RAVER2: variants seen among roughly 807,000 people sequenced by gnomAD.
The protein encoded by RAVER2 is ribonucleoprotein, PTB binding 2.
RAVER2 carries 46 observed loss-of-function variants against 78.1 expected under a neutral mutation model. That is an observed-to-expected ratio of 0.59 (90% confidence interval 0.46 to 0.75). RAVER2 has a LOEUF of 0.75. RAVER2 is among the 30% of genes least tolerant of loss of function. The probability of loss-of-function intolerance (pLI) is 0.00; values close to 1 mark genes in which losing one functional copy is unlikely to be tolerated. For synonymous variants in RAVER2, 311 were observed against 313.3 expected (o/e 0.99, Z 0.08); for missense variants, 793 against 837.5 (o/e 0.95, Z 0.66).
intron 2 of RAVER2, among the ~76,000 whole-genome samples, chr1:64,771,941 T>C (rs1273278430): frequency 6.6e-6 from 1 of 152,090 alleles, no homozygotes; most frequent in Non-Finnish European, 1.5e-5. Context: ...ATGAGGAAAT[T>C]ATTATAGTAA....
At chr1:64,759,387 A>G (rs1465904731) in intron 1 of RAVER2, among the ~76,000 whole-genome samples, 1 of 149,766 alleles carries the variant, frequency 6.7e-6, no homozygotes, top group Non-Finnish European at 1.5e-5. Context: ...CGCCCGGCTA[A>G]TTTTTGTATT....
intron 3 of RAVER2, among the ~76,000 whole-genome samples, chr1:64,779,529 CAACT>C: frequency 6.9e-6 from 1 of 145,662 alleles, no homozygotes; most frequent in Non-Finnish European, 1.5e-5. Context: ...TTACTATGCC[CAACT>C]ACTTTTTAAT....
At chr1:64,828,624 A>G (rs1425081941) in intron 11 of RAVER2, among the ~76,000 whole-genome samples, 1 of 151,854 alleles carries the variant, frequency 6.6e-6, no homozygotes, top group Non-Finnish European at 1.5e-5. Flanking sequence ...TTCTCCCAGT[A>G]TCACATGGGC....
intron 1 of RAVER2, among the ~76,000 whole-genome samples, chr1:64,762,456 A>G (rs1652048506): frequency 6.6e-6 from 1 of 151,896 alleles, no homozygotes; most frequent in Non-Finnish European, 1.5e-5. Flanking sequence ...GGAATAGCCA[A>G]GATACTTTTG....
intron 1 of RAVER2, among the ~76,000 whole-genome samples, chr1:64,753,443 G>C (rs1482352543): frequency 6.6e-6 from 1 of 151,404 alleles, no homozygotes; most frequent in African/African-American, 2.4e-5. Flanking sequence ...TGTTATAAAG[G>C]TCTTATTTAT....
chr1:64,778,165 A>T, intron 3 of RAVER2, 73 bp downstream of exon 3: 1 of 1,070,024 alleles, frequency 9.3e-7, no homozygotes, highest in Middle Eastern at 2.8e-4. Flanking sequence ...TACACTCACA[A>T]ATTTATCATA....
At chr1:64,814,675 T>G in intron 10 of RAVER2, 29 bp from the exon 11 acceptor site, 1 of 1,305,092 alleles carries the variant, frequency 7.7e-7, no homozygotes, top group Admixed American at 2.9e-5. Context: ...ATAACCTAAA[T>G]AAAATAAACT....
At chr1:64,813,647 A>G (rs1653680677) in intron 10 of RAVER2, among the ~76,000 whole-genome samples, 1 of 152,120 alleles carries the variant, frequency 6.6e-6, no homozygotes, top group Non-Finnish European at 1.5e-5. Flanking sequence ...CATCCTCTGT[A>G]TTTTATGAAA....
chr1:64,768,862 T>TG, intron 2 of RAVER2, 140 bp downstream of exon 2: 1 of 574,150 alleles, frequency 1.7e-6, no homozygotes, highest in Non-Finnish European at 3.1e-6. Flanking sequence ...TAACCCACAC[T>TG]GTCTATTTTC....
chr1:64,779,342 A>C (rs1461218686), intron 3 of RAVER2, among the ~76,000 whole-genome samples: 1 of 151,908 alleles, frequency 6.6e-6, no homozygotes, highest in African/African-American at 2.4e-5. Flanking sequence ...TCACCTTTTT[A>C]AGCTTCCGCA....
At chr1:64,796,338 A>T (rs1027033654) in intron 5 of RAVER2, among the ~76,000 whole-genome samples, 25 of 151,966 alleles carry the variant, frequency 1.6e-4, no homozygotes, top group African/African-American at 4.8e-4. Flanking sequence ...AGGAGAGTTT[A>T]TGTTCAGTGC....
At chr1:64,827,653 T>C (rs1654033219) in intron 11 of RAVER2, among the ~76,000 whole-genome samples, 1 of 152,256 alleles carries the variant, frequency 6.6e-6, no homozygotes, top group African/African-American at 2.4e-5. Flanking sequence ...CTCATCAAAA[T>C]TGTTTTCAGA....
intron 5 of RAVER2, among the ~76,000 whole-genome samples, chr1:64,797,051 C>A (rs1381183009): frequency 6.6e-6 from 1 of 152,026 alleles, no homozygotes; most frequent in African/African-American, 2.4e-5. Context: ...TAATTTAATT[C>A]ACTTATAGAC....
intron 5 of RAVER2, among the ~76,000 whole-genome samples, chr1:64,802,774 A>G (rs1653304042): frequency 6.6e-6 from 1 of 152,188 alleles, no homozygotes; most frequent in East Asian, 1.9e-4. Flanking sequence ...AAGGCTTTTG[A>G]ATTTTAAAGC....
exon 10 of RAVER2, chr1:64,812,739 C>T (rs961961677): frequency 6.2e-7 from 1 of 1,606,836 alleles, no homozygotes. Context: ...GTTAAATAGG[C>T]TGCCTCTAAG....
chr1:64,800,774 T>G (rs1329257299), intron 5 of RAVER2, among the ~76,000 whole-genome samples: 1 of 152,136 alleles, frequency 6.6e-6, no homozygotes, highest in African/African-American at 2.4e-5. Context: ...TCCAATCCTG[T>G]GTACTCTGGG....
intron 11 of RAVER2, 138 bp from the exon 12 acceptor site, chr1:64,830,697 TTGTG>T: frequency 1.4e-6 from 1 of 697,238 alleles, no homozygotes; most frequent in Non-Finnish European, 2.3e-6. Flanking sequence ...ACAAAGGGGT[TTGTG>T]TATTTTTTGA....
At chr1:64,798,228 C>A (rs1417787063) in intron 5 of RAVER2, among the ~76,000 whole-genome samples, 37 of 133,698 alleles carry the variant, frequency 2.8e-4, no homozygotes, top group African/African-American at 1.0e-3. Context: ...CCAATTTCAT[C>A]CATGTCCCTA....
rs1570558235 is a variant in RAVER2, at chr1:64,789,589, G to C, written c.1105+75G>C. 11 of 1,196,616 alleles carry C rather than the reference G, an allele frequency of 9.2e-6. No homozygotes were observed. In the East Asian group the frequency reaches 3.2e-4, roughly 35 times the overall value. The allele number at this position is 1,196,616 out of a possible 1,614,324, so 74.1% of individuals were successfully genotyped here. On this transcript the variant is annotated intron_variant, in intron 5 of 11. Transcript: ENST00000294428. The stretch of plus-strand genomic sequence containing the variant: ...TTAATTTTTTCACATGTGAAATATG[G>C]AAAAATACATTGATTTGTGAAAAAT...
Sources: allele counts gnomAD v4.1 joint callset (sites outside exome capture counted in the v4.1 genomes callset), GRCh38; gene constraint gnomAD v4.1.1; transcripts MANE v1.5; gene names NCBI Gene and HGNC (gene_info 2026-07-23, HGNC 2026-07-21).